Variants in MARCHF1 observed in about 807,000 individuals in gnomAD.
MARCHF1 encodes E3 ubiquitin-protein ligase MARCHF1.
MARCHF1 carries 40 observed loss-of-function variants against 54.2 expected under a neutral mutation model. That is an observed-to-expected ratio of 0.74 (90% CI 0.57 to 0.96). The LOEUF is 0.96. Among genes scored for constraint, MARCHF1 ranks in the 40% least tolerant of loss-of-function variants. The probability of loss-of-function intolerance (pLI) is 0.00; values close to 1 mark genes in which losing one functional copy is unlikely to be tolerated. For synonymous variants in MARCHF1, 236 were observed against 236.3 expected (o/e 1.00, Z 0.01); for missense variants, 586 against 656.5 (o/e 0.89, Z 1.17).
At chr4:163,769,338 A>G (rs114742329) in intron 4 of MARCHF1, among the ~76,000 whole-genome samples, 22 of 152,288 alleles carry the variant, frequency 1.4e-4, no homozygotes, top group African/African-American at 5.3e-4. Context: ...GTGACAGACA[A>G]TATCTCTTAG....
At chr4:164,266,087 A>C (rs1464850038) in intron 1 of MARCHF1, among the ~76,000 whole-genome samples, 1 of 152,324 alleles carries the variant, frequency 6.6e-6, no homozygotes, top group East Asian at 1.9e-4. Flanking sequence ...CTGAACACAC[A>C]CTAAATAAAT....
chr4:164,197,501 T>C (rs1227453326), intron 1 of MARCHF1: 1 of 1,613,426 alleles, frequency 6.2e-7, no homozygotes, highest in Non-Finnish European at 8.5e-7. Flanking sequence ...CCTGAGACTC[T>C]TAGTTCAAGC....
chr4:163,689,178 C>G (rs927998244), intron 5 of MARCHF1, among the ~76,000 whole-genome samples: 2 of 152,122 alleles, frequency 1.3e-5, no homozygotes, highest in African/African-American at 4.8e-5. Flanking sequence ...CTCTGGGGAC[C>G]ATTTATGGTC....
At chr4:164,238,610 GT>G (rs1481864001) in intron 1 of MARCHF1, among the ~76,000 whole-genome samples, 2 of 151,794 alleles carry the variant, frequency 1.3e-5, no homozygotes, top group African/African-American at 4.8e-5. Flanking sequence ...TCCATTTTAT[GT>G]TTTTAATAAA....
intron 4 of MARCHF1, among the ~76,000 whole-genome samples, chr4:163,825,036 G>T (rs1748809007): frequency 6.6e-6 from 1 of 151,914 alleles, no homozygotes; most frequent in African/African-American, 2.4e-5. Flanking sequence ...CTTTTACACT[G>T]TTGGTGGGAC....
intron 7 of MARCHF1, among the ~76,000 whole-genome samples, chr4:163,590,055 T>C (rs1740536174): frequency 6.7e-6 from 1 of 149,006 alleles, no homozygotes. Context: ...ATTTTAGATT[T>C]TGGTGTGTGT....
At chr4:164,356,618 TG>T (rs1730547132) in intron 1 of MARCHF1, among the ~76,000 whole-genome samples, 1 of 84,848 alleles carries the variant, frequency 1.2e-5, no homozygotes, top group Non-Finnish European at 2.3e-5. Flanking sequence ...TGTGGTGGGG[TG>T]GGGGGAGTGG....
chr4:164,201,161 G>A (rs1329494741), intron 1 of MARCHF1, among the ~76,000 whole-genome samples: 1 of 152,210 alleles, frequency 6.6e-6, no homozygotes, highest in African/African-American at 2.4e-5. Context: ...AGACATGTAA[G>A]ACTTCTGAAC....
At chr4:163,726,144 C>G (rs1745645898) in intron 4 of MARCHF1, among the ~76,000 whole-genome samples, 1 of 152,134 alleles carries the variant, frequency 6.6e-6, no homozygotes, top group Non-Finnish European at 1.5e-5. Flanking sequence ...CACCCAAAGT[C>G]TCTGGAGTTC....
intron 1 of MARCHF1, among the ~76,000 whole-genome samples, chr4:164,267,543 C>A (rs1733640467): frequency 6.6e-6 from 1 of 152,078 alleles, no homozygotes; most frequent in Non-Finnish European, 1.5e-5. Flanking sequence ...GTCCTACAAA[C>A]TGAGAGAAAC....
intron 2 of MARCHF1, among the ~76,000 whole-genome samples, chr4:163,993,672 C>T (rs1003191475): frequency 6.6e-6 from 1 of 152,066 alleles, no homozygotes; most frequent in Non-Finnish European, 1.5e-5. Flanking sequence ...TTATATTATG[C>T]TCATGACAAA....
rs986652402 is a variant in MARCHF1, at chr4:163,980,436, C to T, written c.-39+8065G>A. On this transcript the variant is annotated intron_variant, in intron 3 of 9. Coordinates refer to ENST00000514618, the MANE Select transcript of MARCHF1 (RefSeq NM_001394959.1). ...ACCCTAGAAGAAAACCTAGGCATTA[C>T]CATTCAGGACATAGGCATGGGCAAG... Among the ~76,000 whole-genome samples, 3 of 149,624 alleles carry T rather than the reference C, an allele frequency of 2.0e-5. No homozygotes were observed. In the Admixed American group the frequency reaches 2.0e-4, roughly 10 times the overall value.
At chr4:163,717,128 TA>T (rs898256496) in intron 4 of MARCHF1, among the ~76,000 whole-genome samples, 1 of 145,716 alleles carries the variant, frequency 6.9e-6, no homozygotes, top group African/African-American at 2.5e-5. Context: ...GTATATCTCC[TA>T]ATGCTATCCC....
intron 2 of MARCHF1, among the ~76,000 whole-genome samples, chr4:163,998,330 A>G (rs894337287): frequency 2.0e-5 from 3 of 151,444 alleles, no homozygotes; most frequent in African/African-American, 7.3e-5. Context: ...AGATCTTTCA[A>G]TACTCTAAAG....
At chr4:164,268,588 T>C (rs984425065) in intron 1 of MARCHF1, among the ~76,000 whole-genome samples, 1 of 152,100 alleles carries the variant, frequency 6.6e-6, no homozygotes, top group African/African-American at 2.4e-5. Flanking sequence ...CTCTTCTGAT[T>C]TTGTCTAGCT....
At chr4:164,036,225 T>G (rs1753999353) in intron 2 of MARCHF1, among the ~76,000 whole-genome samples, 1 of 152,160 alleles carries the variant, frequency 6.6e-6, no homozygotes, top group African/African-American at 2.4e-5. Context: ...AATGAAGTTC[T>G]GGGAGTGTAG....
chr4:163,635,561 G>A (rs529560494), intron 5 of MARCHF1, among the ~76,000 whole-genome samples: 9,540 of 146,880 alleles, frequency 0.065, 1,039 homozygotes, highest in African/African-American at 0.22. Flanking sequence ...TTGAATCTCC[G>A]AATAGACCAA....
chr4:163,644,350 T>G (rs1413781345), intron 5 of MARCHF1, among the ~76,000 whole-genome samples: 1 of 152,120 alleles, frequency 6.6e-6, no homozygotes, highest in African/African-American at 2.4e-5. Context: ...AGGGGGCGGA[T>G]TCATACTTAG....
chr4:163,838,029 C>T (rs1211342752), intron 4 of MARCHF1, among the ~76,000 whole-genome samples: 1 of 152,014 alleles, frequency 6.6e-6, no homozygotes, highest in Non-Finnish European at 1.5e-5. Flanking sequence ...AATGGAAGTA[C>T]AAAACTATTT....
Sources: gnomAD v4.1 joint callset for allele counts (sites outside exome capture counted in the v4.1 genomes callset) on GRCh38, gnomAD v4.1.1 for gene constraint, MANE v1.5 for transcripts, NCBI Gene and HGNC (gene_info 2026-07-23, HGNC 2026-07-21) for gene names.